Variants in PTPRQ observed in about 807,000 individuals in gnomAD.
PTPRQ encodes phosphatidylinositol phosphatase PTPRQ.
PTPRQ carries 199 observed loss-of-function variants against 246.0 expected under a neutral mutation model. The observed-to-expected ratio is 0.81, with a 90% CI of 0.72 to 0.91. PTPRQ has a LOEUF of 0.91. PTPRQ is among the 40% of genes least tolerant of loss of function. The pLI is 0.00. For missense variants in PTPRQ, 2,624 were observed against 2,528.4 expected, an observed-to-expected ratio of 1.04 and a Z score of -0.81; for synonymous variants, 869 against 853.2, an observed-to-expected ratio of 1.02 and a Z score of -0.32.
intron 25 of PTPRQ, among the ~76,000 whole-genome samples, chr12:80,554,080 G>A (rs559271838): frequency 6.6e-6 from 1 of 151,832 alleles, no homozygotes; most frequent in Admixed American, 6.6e-5. Context: ...GGAGGGGCAG[G>A]GGGGGTAGGA....
intron 16 of PTPRQ, among the ~76,000 whole-genome samples, chr12:80,508,357 T>A (rs1304859839): frequency 6.6e-6 from 1 of 152,066 alleles, no homozygotes; most frequent in African/African-American, 2.4e-5. Flanking sequence ...TGATTTTTAA[T>A]TACTGGTATA....
At chr12:80,552,351 C>T (rs1009378000) in intron 25 of PTPRQ, among the ~76,000 whole-genome samples, 8 of 151,830 alleles carry the variant, frequency 5.3e-5, no homozygotes. Context: ...TGGTCTTGAT[C>T]ATTGGGCAGG....
intron 17 of PTPRQ, among the ~76,000 whole-genome samples, chr12:80,514,450 A>T (rs1247048567): frequency 1.4e-5 from 2 of 147,086 alleles, no homozygotes; most frequent in African/African-American, 2.5e-5. Context: ...TCATTGCGGT[A>T]TTTAAAAGAG....
chr12:80,649,354 T>C (rs1900180516), intron 36 of PTPRQ, among the ~76,000 whole-genome samples: 2 of 152,128 alleles, frequency 1.3e-5, no homozygotes, highest in African/African-American at 2.4e-5. Flanking sequence ...AAATCCTTTA[T>C]TTAATGTCAC....
chr12:80,595,931 T>A (rs1461909356), intron 26 of PTPRQ, among the ~76,000 whole-genome samples: 2 of 152,098 alleles, frequency 1.3e-5, no homozygotes, highest in Non-Finnish European at 2.9e-5. Flanking sequence ...ATGTAAGAAA[T>A]ATGAATTATT....
At chr12:80,613,551 A>T in intron 28 of PTPRQ, 41 bp from the exon 29 acceptor site, 1 of 1,445,658 alleles carries the variant, frequency 6.9e-7, no homozygotes, top group Non-Finnish European at 9.2e-7. Context: ...AAAAAGGAAT[A>T]CAATATTTTT....
chr12:80,546,016 T>G (rs986580382), intron 23 of PTPRQ, among the ~76,000 whole-genome samples: 4 of 151,972 alleles, frequency 2.6e-5, no homozygotes, highest in African/African-American at 9.7e-5. Context: ...ACACTCTAGT[T>G]TTTTAAAAAG....
At chr12:80,587,506 C>G (rs774109886) in intron 25 of PTPRQ, among the ~76,000 whole-genome samples, 16 of 152,112 alleles carry the variant, frequency 1.1e-4, no homozygotes, top group Non-Finnish European at 1.8e-4. Flanking sequence ...ACACCAGGCT[C>G]AGAGCCTGAC....
intron 17 of PTPRQ, among the ~76,000 whole-genome samples, chr12:80,512,978 G>A (rs1031818654): frequency 6.6e-6 from 1 of 152,128 alleles, no homozygotes. Context: ...TCTAGGGGGA[G>A]CATGCAGACG....
intron 39 of PTPRQ, among the ~76,000 whole-genome samples, chr12:80,659,925 C>T: frequency 6.6e-6 from 1 of 151,974 alleles, no homozygotes; most frequent in East Asian, 1.9e-4. Context: ...GAGAAATCTC[C>T]TTTGCTCAGG....
chr12:80,583,499 A>G (rs1168648544), intron 25 of PTPRQ, among the ~76,000 whole-genome samples: 2 of 152,174 alleles, frequency 1.3e-5, no homozygotes, highest in Non-Finnish European at 2.9e-5. Flanking sequence ...TCAGTTCAAA[A>G]TAATGCAGGC....
At chr12:80,513,836 T>A (rs1239436069) in intron 17 of PTPRQ, among the ~76,000 whole-genome samples, 1 of 152,186 alleles carries the variant, frequency 6.6e-6, no homozygotes, top group Non-Finnish European at 1.5e-5. Flanking sequence ...TTCCCTAGCA[T>A]GTCTGTGTTG....
chr12:80,495,655 C>T (rs533821148), intron 12 of PTPRQ, among the ~76,000 whole-genome samples: 4 of 152,094 alleles, frequency 2.6e-5, no homozygotes, highest in Non-Finnish European at 1.5e-5. Flanking sequence ...TCTGGTATAT[C>T]AAAATAACTC....
chr12:80,618,142 CA>C (rs919678911), intron 30 of PTPRQ, among the ~76,000 whole-genome samples: 2 of 151,094 alleles, frequency 1.3e-5, no homozygotes, highest in African/African-American at 4.9e-5. Context: ...ATCTGATGCT[CA>C]AAAAAGAGTG....
At chr12:80,618,987 CTAG>C (rs1224787737) in intron 30 of PTPRQ, among the ~76,000 whole-genome samples, 1 of 151,330 alleles carries the variant, frequency 6.6e-6, no homozygotes, top group Non-Finnish European at 1.5e-5. Context: ...GGGAGGGGTG[CTAG>C]TATGACTAGA....
At chr12:80,657,804 T>A (rs972132201) in intron 38 of PTPRQ, among the ~76,000 whole-genome samples, 181 bp from the exon 39 acceptor site, 1 of 151,822 alleles carries the variant, frequency 6.6e-6, no homozygotes, top group Non-Finnish European at 1.5e-5. Flanking sequence ...TACAAGGACA[T>A]ATTAATAGTC....
rs537118183 is a variant in PTPRQ, at chr12:80,605,103, C to A, written c.4654C>A (p.Pro1552Thr). 6.5e-7 allele frequency: 1 copy of A among 1,545,428 alleles called. No homozygotes were observed. The highest frequency in any genetic ancestry group is 1.2e-5 in the South Asian group (1 of 83,440). The change falls in exon 27 of 45, where the codon CCT (proline) becomes ACT (threonine). Residue 1552 changes from proline (P) to threonine (T), a missense_variant. Physicochemically the swap from Pro to Thr is conservative, Grantham distance 38. Transcript: ENST00000644991. ...PENVHVVATS[P>T]FSISISWSEP... ...AAATGTTCATGTAGTAGCAACATCA[C>A]CTTTTAGCATCAGCATAAGCTGGAG...
chr12:80,500,013 A>G (rs1294336076), intron 14 of PTPRQ, among the ~76,000 whole-genome samples: 1 of 152,036 alleles, frequency 6.6e-6, no homozygotes, highest in East Asian at 1.9e-4. Context: ...ATTTGGGGCA[A>G]CAACCATGAG....
In PTPRQ at chr12:80,468,809, G is replaced by C; in HGVS notation, c.1010G>C (p.Ser337Thr). The C allele has an allele frequency of 6.5e-7, 1 of 1,549,644 alleles. No individual in the cohort carries two copies. Among genetic ancestry groups the C allele is most frequent in the East Asian group, 2.5e-5 (1 of 40,748 alleles). The stretch of plus-strand genomic sequence containing the variant: ...CCAACTATAGTAACAGGGAAATTTA[G>C]TTATAGAGTTGAATTATATGGACCA... ...DPPTIVTGKF[S>T]YRVELYGPSG... The change falls in exon 7 of 45, where the codon AGT (serine) becomes ACT (threonine). Residue 337 changes from serine to threonine, a missense_variant. Coordinates refer to ENST00000644991, the MANE Select transcript of PTPRQ (RefSeq NM_001145026.2).
Sources: gnomAD v4.1 joint callset for allele counts (sites outside exome capture counted in the v4.1 genomes callset) on GRCh38, gnomAD v4.1.1 for gene constraint, MANE v1.5 for transcripts, NCBI Gene and HGNC (gene_info 2026-07-23, HGNC 2026-07-21) for gene names.